Variants in SSC5D observed in about 807,000 individuals in gnomAD.
SSC5D encodes the protein soluble scavenger receptor cysteine-rich domain-containing protein SSC5D.
Under a neutral mutation model 104.6 loss-of-function variants are expected in SSC5D, and 106 were observed. The ratio of observed to expected loss-of-function variants is 1.01; its 90% confidence interval spans 0.87 to 1.19. The LOEUF is 1.19. Ranked by LOEUF, SSC5D falls within the 50% of genes most tolerant of loss-of-function variation. The pLI, the probability that SSC5D is intolerant of heterozygous loss-of-function variation, is 0.00. For missense variants in SSC5D, 1,993 were observed against 2,153.8 expected (o/e 0.93, Z 1.48); for synonymous variants, 860 against 883.5 (o/e 0.97, Z 0.47).
At chr19:55,490,543 C>T (rs1987110612) in intron 5 of SSC5D, 135 bp downstream of exon 5, 3 of 618,600 alleles carry the variant, frequency 4.8e-6, no homozygotes, top group Admixed American at 3.3e-5. Context: ...CGCGTCCCTC[C>T]CCCGGGGATT....
In SSC5D at chr19:55,491,024, G is replaced by GC. The variant is rs1568474340; in HGVS notation, c.843dup (p.Trp282LeufsTer7). On this transcript the variant is annotated frameshift_variant, in exon 6 of 14. Coordinates refer to ENST00000389623, the MANE Select transcript of SSC5D (RefSeq NM_001144950.2). LOFTEE classifies it high-confidence loss of function. Reference sequence around the variant, plus strand: ...CAGGCCCTCCGAGACTGCCCCCGAAGCCCCTGGGGCCGGAGCAACTGTGAC... The same window carrying GC: ...CAGGCCCTCCGAGACTGCCCCCGAAGCCCCCTGGGGCCGGAGCAACTGTGAC... The GC allele has an allele frequency of 2.6e-6, 4 of 1,550,246 alleles. No homozygotes were observed. The South Asian group carries it at 4.8e-5, about 18-fold the overall frequency.
rs956583693 is a variant in SSC5D at position 55,497,984 on chromosome 19, A to G, written c.1492A>G (p.Met498Val). Residue 498 changes from methionine to valine, a missense_variant, in exon 9 of 14, where the codon ATG becomes GTG. Met to Val is a conservative substitution (Grantham distance 21). Coordinates refer to ENST00000389623, the MANE Select transcript of SSC5D (RefSeq NM_001144950.2). ...WGTVCDDSWD[M>V]RDSAVVCREL... ...GACCGTGTGTGACGATAGCTGGGACATGCGGGATTCAGCTGTGGTCTGCCG... is the reference window on the plus strand; with the variant it reads ...GACCGTGTGTGACGATAGCTGGGACGTGCGGGATTCAGCTGTGGTCTGCCG... The G allele has an allele frequency of 2.2e-5, 34 of 1,551,704 alleles. No homozygotes were observed. Among genetic ancestry groups the G allele is most frequent in the East Asian group, 7.3e-5 (3 of 40,926 alleles).
At chr19:55,492,919 TG>T (rs1239147503) in intron 6 of SSC5D, 1 of 151,862 alleles carries the variant, frequency 6.6e-6, no homozygotes, top group Non-Finnish European at 1.5e-5. Flanking sequence ...CCCAGCTACT[TG>T]GGAGAGGCTG....
At position 55,490,833 on chromosome 19, in the gene SSC5D, C is replaced by CG. The variant is rs1168134542; in HGVS notation, c.651dup (p.Arg218AlafsTer7). The CG allele has an allele frequency of 1.4e-5, 21 of 1,547,130 alleles. No homozygotes were observed. The highest frequency in any genetic ancestry group is 1.7e-5 in the Non-Finnish European group (19 of 1,145,554). ...CCGGACGCCTGGAGGTCTGGCACGG[C>CG]GGGCGCTGGGGCACCGTATGTGACG... On this transcript the variant is annotated frameshift_variant, in exon 6 of 14. Transcript: ENST00000389623. LOFTEE classifies it high-confidence loss of function.
chr19:55,518,112 C>G lies in SSC5D; in HGVS notation c.3836C>G (p.Thr1279Arg). The change falls in exon 14 of 14, where the codon ACG becomes AGG. Residue 1279 changes from threonine to arginine, a missense_variant. Thr to Arg is a moderately conservative substitution (Grantham distance 71, BLOSUM62 -1). Around this residue, in one of 6 missense-constraint regions of SSC5D, gnomAD observed 349 missense variants for 397.6 expected, o/e 0.88. Coordinates refer to ENST00000389623, the MANE Select transcript of SSC5D (RefSeq NM_001144950.2). ...CCCACCACGATGCCTCATCCCACCA[C>G]GACCCCTCACCCCACCACGACTCCT... ...MQPTTMPHPTTTPHPTTTPHP... is the reference protein window; with the variant it reads ...MQPTTMPHPTRTPHPTTTPHP... The G allele has an allele frequency of 1.4e-6, 2 of 1,469,168 alleles. No homozygotes were observed. Among genetic ancestry groups the G allele is most frequent in the Non-Finnish European group, 1.8e-6 (2 of 1,090,990 alleles). The allele number at this position is 1,469,168 out of a possible 1,614,324, so 91.0% of individuals were successfully genotyped here.
chr19:55,509,215 C>T (rs1987700026), intron 12 of SSC5D, among the ~76,000 whole-genome samples: 1 of 152,194 alleles, frequency 6.6e-6, no homozygotes, highest in Non-Finnish European at 1.5e-5. Context: ...CAGCCACCCT[C>T]TCCCCATAAG....
intron 13 of SSC5D, among the ~76,000 whole-genome samples, chr19:55,514,775 G>A (rs1381864929): frequency 6.6e-6 from 1 of 152,142 alleles, no homozygotes; most frequent in East Asian, 1.9e-4. Flanking sequence ...CTTATTCCAT[G>A]CTAGACATTA....
chr19:55,490,774 C>T lies in SSC5D; in HGVS notation c.589C>T (p.Arg197Trp), dbSNP rs773012015. 4.7e-5 allele frequency: 71 copies of T among 1,525,328 alleles called. No individual in the cohort carries two copies. Among genetic ancestry groups the T allele is most frequent in the Middle Eastern group, 1.9e-4 (1 of 5,224 alleles). The allele number at this position is 1,525,328 out of a possible 1,614,324, so 94.5% of individuals were successfully genotyped here. Residue 197 changes from arginine to tryptophan, a missense_variant and splice_region_variant, in exon 6 of 14, where the codon CGG becomes TGG. This residue lies in a region of SSC5D where 1,101 missense variants were observed against 1,085.0 expected (regional missense o/e 1.01). Transcript: ENST00000389623. ...LLTTGAPRQERLRLVSGPHRC... is the reference protein window; with the variant it reads ...LLTTGAPRQEWLRLVSGPHRC... ...TCCCCTCCCTGCTCACCCCACAGAG[C>T]GGCTGCGCCTGGTCTCTGGCCCCCA...
chr19:55,489,456 G>C lies in SSC5D; in HGVS notation c.155G>C (p.Arg52Pro), dbSNP rs765104028. Residue 52 changes from arginine (R) to proline (P), a missense_variant, in exon 3 of 14, where the codon CGC (arginine) becomes CCC (proline). This residue lies in a region of SSC5D where 1,101 missense variants were observed against 1,085.0 expected (regional missense o/e 1.01). Coordinates refer to ENST00000389623, the MANE Select transcript of SSC5D (RefSeq NM_001144950.2). The part of the protein sequence containing the change: ...GTVCDDGWDL[R>P]DAAVACRQLG... ...GTGTGTGATGACGGCTGGGACCTGC[G>C]CGATGCCGCCGTGGCCTGCCGGCAG... The C allele has an allele frequency of 1.4e-6, 2 of 1,481,170 alleles. No individual in the cohort carries two copies. The highest frequency in any genetic ancestry group is 1.8e-6 in the Non-Finnish European group (2 of 1,123,780). The allele number at this position is 1,481,170 out of a possible 1,614,324, so 91.8% of individuals were successfully genotyped here.
At position 55,517,786 on chromosome 19, in the gene SSC5D, T is replaced by C; in HGVS notation, c.3510T>C (p.Thr1170=). Residue 1170 remains threonine, a synonymous_variant, in exon 14 of 14, where the codon ACT becomes ACC. Coordinates refer to ENST00000389623, the MANE Select transcript of SSC5D (RefSeq NM_001144950.2). ...APDPITTLNP[T]VTPHFPTTPH... Reference sequence around the variant, plus strand: ...ACCCCATCACAACCCTTAACCCTACTGTGACCCCTCACTTCCCTACCACCC... The same window carrying C: ...ACCCCATCACAACCCTTAACCCTACCGTGACCCCTCACTTCCCTACCACCC... The C allele has an allele frequency of 4.1e-6, 5 of 1,205,140 alleles. No individual in the cohort carries two copies. The highest frequency in any genetic ancestry group is 2.6e-5 in the Admixed American group (1 of 38,016). The allele number at this position is 1,205,140 out of a possible 1,614,324, so 74.7% of individuals were successfully genotyped here.
intron 12 of SSC5D, 24 bp downstream of exon 12, chr19:55,501,225 C>G: frequency 6.7e-7 from 1 of 1,482,110 alleles, no homozygotes; most frequent in Non-Finnish European, 8.9e-7. Flanking sequence ...TTGGGGTGGC[C>G]ATGGAGGGCC....
intron 12 of SSC5D, among the ~76,000 whole-genome samples, chr19:55,501,421 G>T (rs568321851): frequency 8.5e-5 from 13 of 152,300 alleles, no homozygotes; most frequent in South Asian, 4.1e-4. Flanking sequence ...ATCAGGCTAA[G>T]CTCAGCAATC....
intron 13 of SSC5D, among the ~76,000 whole-genome samples, chr19:55,516,948 C>T (rs1987884235): frequency 6.6e-6 from 1 of 151,966 alleles, no homozygotes; most frequent in Non-Finnish European, 1.5e-5. Flanking sequence ...ACCTCACCCT[C>T]CTGCACCCGC....
chr19:55,511,851 G>T (rs536012657), intron 12 of SSC5D, among the ~76,000 whole-genome samples: 86 of 152,252 alleles, frequency 5.6e-4, no homozygotes, highest in African/African-American at 2.0e-3. Context: ...GGATCAGTGT[G>T]GGGGGCCAGG....
chr19:55,502,584 C>T (rs564913207), intron 12 of SSC5D, among the ~76,000 whole-genome samples: 41 of 152,128 alleles, frequency 2.7e-4, no homozygotes, highest in Admixed American at 4.6e-4. Context: ...TGTCTTTCCC[C>T]CTCAGTCTTT....
rs1174167243 is a variant in SSC5D at position 55,500,032 on chromosome 19, C to G, written c.1922C>G (p.Thr641Ser). Residue 641 changes from threonine (T) to serine (S), a missense_variant, in exon 10 of 14, where the codon ACT (threonine) becomes AGT (serine). This residue lies in a region of SSC5D where 1,101 missense variants were observed against 1,085.0 expected (regional missense o/e 1.01). Transcript: ENST00000389623. The surrounding 1 kb of genome is among the most constrained non-coding windows in gnomAD (Gnocchi z 4.6). The part of the protein sequence containing the change: ...WVTKNAKRPT[T>S]QPPVMPTTKH... The stretch of plus-strand genomic sequence containing the variant: ...ACAAAAAATGCAAAGAGACCAACCA[C>G]TCAACCCCCAGTGATGCCAACCACG... 1 of 1,551,892 alleles carries G rather than the reference C, an allele frequency of 6.4e-7. No homozygotes were observed. Among genetic ancestry groups the G allele is most frequent in the Admixed American group, 2.0e-5 (1 of 51,000 alleles).
chr19:55,490,680 C>T, intron 5 of SSC5D, 92 bp from the exon 6 acceptor site: 2 of 1,379,410 alleles, frequency 1.4e-6, no homozygotes, highest in South Asian at 3.0e-5. Context: ...GCCACCGCTC[C>T]CTCAGGCCTG....
rs1231836483 is a variant in SSC5D at position 55,489,680 on chromosome 19, G to A, written c.361+18G>A. ...CTGCGCAGGTGAGGACACCCTGGCTGCTCCTTCAGGGGGAGCTCCTTTGGA... is the reference window on the plus strand; with the variant it reads ...CTGCGCAGGTGAGGACACCCTGGCTACTCCTTCAGGGGGAGCTCCTTTGGA... On this transcript the variant is annotated intron_variant, in intron 3 of 13. Coordinates refer to ENST00000389623, the MANE Select transcript of SSC5D (RefSeq NM_001144950.2). The A allele has an allele frequency of 9.2e-6, 14 of 1,527,264 alleles. No homozygotes were observed. The highest frequency in any genetic ancestry group is 1.1e-5 in the Non-Finnish European group (13 of 1,141,028). 94.6% of individuals were successfully genotyped at this position (1,527,264 alleles called of 1,614,324 possible). A position where few individuals can be genotyped will look rare whatever the true frequency, so the allele number is the denominator to read the frequency against.
intron 13 of SSC5D, 137 bp downstream of exon 13, chr19:55,513,309 C>CCTG: frequency 1.0e-6 from 1 of 960,870 alleles, no homozygotes; most frequent in Non-Finnish European, 1.5e-6. Context: ...GGGTTATCGG[C>CCTG]TGAGCATGGT....
Sources: allele counts gnomAD v4.1 joint callset (sites outside exome capture counted in the v4.1 genomes callset), GRCh38; gene constraint gnomAD v4.1.1; regional missense constraint gnomAD v4.1.1; non-coding constraint Gnocchi (gnomAD v3.1); transcripts MANE v1.5; gene names NCBI Gene and HGNC (gene_info 2026-07-23, HGNC 2026-07-21).